MKLN1: variants seen among roughly 807,000 people sequenced by gnomAD.
MKLN1 encodes the protein muskelin.
Under a neutral mutation model 99.0 loss-of-function variants are expected in MKLN1, and 18 were observed. That is an observed-to-expected ratio of 0.18 (90% CI 0.13 to 0.27). MKLN1 has a LOEUF of 0.27. Among genes scored for constraint, MKLN1 ranks in the 10% least tolerant of loss-of-function variants. The pLI is 1.00. For missense variants in MKLN1, 621 were observed against 875.9 expected (o/e 0.71, Z 3.67); for synonymous variants, 288 against 293.2 (o/e 0.98, Z 0.18).
chr7:131,196,397 A>G (rs1477530115), intron 2 of MKLN1, among the ~76,000 whole-genome samples: 1 of 152,246 alleles, frequency 6.6e-6, no homozygotes, highest in Non-Finnish European at 1.5e-5. Flanking sequence ...GGCATTCATC[A>G]AAGCGAATGT....
chr7:131,373,738 A>G (rs1394555656), intron 1 of MKLN1, among the ~76,000 whole-genome samples: 1 of 152,194 alleles, frequency 6.6e-6, no homozygotes, highest in Non-Finnish European at 1.5e-5. Context: ...ATCCTGCATT[A>G]TTACCATGGT....
intron 2 of MKLN1, among the ~76,000 whole-genome samples, 164 bp downstream of exon 2, chr7:131,375,657 A>T (rs1265872583): frequency 2.0e-5 from 3 of 152,022 alleles, no homozygotes; most frequent in Admixed American, 6.6e-5. Context: ...ATTTTGGAAG[A>T]ATTTTTATCT....
At chr7:131,287,932 C>G (rs1193098837) in intron 3 of MKLN1, among the ~76,000 whole-genome samples, 1 of 152,144 alleles carries the variant, frequency 6.6e-6, no homozygotes, top group Non-Finnish European at 1.5e-5. Context: ...GAAGAAGGTC[C>G]TTGTTTCCCC....
chr7:131,486,278 A>C (rs1359777316), intron 17 of MKLN1, among the ~76,000 whole-genome samples: 1 of 151,978 alleles, frequency 6.6e-6, no homozygotes, highest in Admixed American at 6.6e-5. Context: ...AAAAGCATAA[A>C]ATAGGAAGAC....
intron 2 of MKLN1, among the ~76,000 whole-genome samples, chr7:131,172,338 T>C (rs1260227193): frequency 1.3e-5 from 2 of 150,810 alleles, no homozygotes; most frequent in Admixed American, 6.6e-5. Flanking sequence ...CTTTTTGAGA[T>C]GGAGTCTCGC....
At chr7:131,371,635 C>G (rs1185744726) in intron 1 of MKLN1, among the ~76,000 whole-genome samples, 5 of 152,036 alleles carry the variant, frequency 3.3e-5, no homozygotes, top group African/African-American at 1.2e-4. Context: ...TCCATCTGCT[C>G]ATTTTTCAGG....
At chr7:131,252,956 T>C (rs1243283966) in intron 3 of MKLN1, among the ~76,000 whole-genome samples, 2 of 152,148 alleles carry the variant, frequency 1.3e-5, no homozygotes, top group Admixed American at 6.5e-5. Context: ...CTCAGACAAA[T>C]GTTGTTAGCA....
In MKLN1 at chr7:131,487,111, T is replaced by C. The variant is rs957697346; in HGVS notation, c.2087-496T>C. Among the ~76,000 whole-genome samples, 2 of 152,180 alleles carry C rather than the reference T, an allele frequency of 1.3e-5. No homozygotes were observed. The highest frequency in any genetic ancestry group is 6.6e-5 in the Admixed American group (1 of 15,266). ...CTTCCAGCTGTCTCAGAGACATTAA[T>C]GATTTTAGACTAATTTCTAAAGACC... On this transcript the variant is annotated intron_variant, in intron 17 of 17. Coordinates refer to ENST00000352689, the MANE Select transcript of MKLN1 (RefSeq NM_013255.5). The surrounding 1 kb of genome is among the most constrained non-coding windows in gnomAD (Gnocchi z 4.7).
At chr7:131,178,502 G>T (rs1796334575) in intron 2 of MKLN1, among the ~76,000 whole-genome samples, 1 of 151,908 alleles carries the variant, frequency 6.6e-6, no homozygotes, top group East Asian at 1.9e-4. Context: ...ACACACTGCT[G>T]CTCCAAATTA....
intron 1 of MKLN1, among the ~76,000 whole-genome samples, chr7:131,140,997 G>A (rs1468142983): frequency 1.3e-5 from 2 of 152,060 alleles, no homozygotes; most frequent in Middle Eastern, 6.3e-3. Context: ...TGTTAGCCAG[G>A]ATGGTCTCCA....
At chr7:131,205,451 T>C (rs761608722) in intron 3 of MKLN1, among the ~76,000 whole-genome samples, 11 of 152,060 alleles carry the variant, frequency 7.2e-5, no homozygotes, top group Non-Finnish European at 1.0e-4. Flanking sequence ...ACTGAAGGGG[T>C]GTATTAGTTT....
At chr7:131,292,671 A>G (rs1386258923) in intron 3 of MKLN1, among the ~76,000 whole-genome samples, 1 of 152,218 alleles carries the variant, frequency 6.6e-6, no homozygotes, top group Non-Finnish European at 1.5e-5. Flanking sequence ...TTTCCCCTGC[A>G]GGTTTCAGAG....
At chr7:131,194,622 T>C (rs1276099102) in intron 2 of MKLN1, among the ~76,000 whole-genome samples, 1 of 152,206 alleles carries the variant, frequency 6.6e-6, no homozygotes, top group Non-Finnish European at 1.5e-5. Flanking sequence ...TCTTTCCAAA[T>C]GCCACAGCCG....
rs1798307299 is a variant in MKLN1 at position 131,297,386 on chromosome 7, G to T, written c.-178-78038G>T. Among the ~76,000 whole-genome samples, 5 of 145,558 alleles carry T rather than the reference G, an allele frequency of 3.4e-5. No homozygotes were observed. The Admixed American group carries it at 3.5e-4, about 10-fold the overall frequency. On this transcript the variant is annotated intron_variant, in intron 3 of 7. Coordinates refer to the MKLN1 transcript ENST00000416992. ...AAAAACAAAATATATATATATATGT[G>T]TGTGTGTATATATATACACAAATAC...
At chr7:131,134,812 A>C (rs1346032523) in intron 1 of MKLN1, among the ~76,000 whole-genome samples, 1 of 152,086 alleles carries the variant, frequency 6.6e-6, no homozygotes, top group African/African-American at 2.4e-5. Context: ...CCTGCCACTA[A>C]AGTTTTTAAT....
Position 131,487,707 on chromosome 7 carries a change from G to A in MKLN1, c.2187G>A (p.Leu729=). ...PDSMTPPKGN[L]VDLITL ...GCATGACTCCTCCTAAAGGCAACCT[G>A]GTAGACCTCATCACACTGTAACTGA... The change falls in exon 18 of 18, where the codon CTG becomes CTA. Residue 729 remains leucine (L), a synonymous_variant. Coordinates refer to ENST00000352689, the MANE Select transcript of MKLN1 (RefSeq NM_013255.5). The surrounding 1 kb of genome is among the most constrained non-coding windows in gnomAD (Gnocchi z 4.7). 1.9e-6 allele frequency: 3 copies of A among 1,612,864 alleles called. No individual in the cohort carries two copies. The highest frequency in any genetic ancestry group is 2.5e-6 in the Non-Finnish European group (3 of 1,179,292).
At chr7:131,184,644 C>T (rs1011352049) in intron 2 of MKLN1, among the ~76,000 whole-genome samples, 1 of 152,102 alleles carries the variant, frequency 6.6e-6, no homozygotes, top group African/African-American at 2.4e-5. Context: ...CCTGACTCAG[C>T]CTCCCAAGTA....
At chr7:131,425,582 A>G (rs909866306) in intron 8 of MKLN1, among the ~76,000 whole-genome samples, 1 of 152,206 alleles carries the variant, frequency 6.6e-6, no homozygotes, top group Non-Finnish European at 1.5e-5. Flanking sequence ...GCGAATTCTC[A>G]GTACTCAAAA....
chr7:131,147,850 C>T (rs1490487821), intron 2 of MKLN1, among the ~76,000 whole-genome samples: 4 of 152,160 alleles, frequency 2.6e-5, no homozygotes, highest in Admixed American at 6.5e-5. Flanking sequence ...GCAGATACTG[C>T]ATCCAAATGA....
Sources: allele counts gnomAD v4.1 joint callset (sites outside exome capture counted in the v4.1 genomes callset), GRCh38; gene constraint gnomAD v4.1.1; non-coding constraint Gnocchi (gnomAD v3.1); transcripts MANE v1.5; gene names NCBI Gene and HGNC (gene_info 2026-07-23, HGNC 2026-07-21).